Variants in CSRNP2 observed in about 807,000 individuals in gnomAD.
CSRNP2 encodes the protein cysteine and serine rich nuclear protein 2.
In CSRNP2, 11 loss-of-function variants were observed where a neutral mutation model predicts 36.6. The ratio of observed to expected loss-of-function variants is 0.30; its 90% CI spans 0.19 to 0.50. The LOEUF (loss-of-function observed/expected upper bound fraction) is 0.50. Ranked by LOEUF, CSRNP2 falls within the 20% of genes least tolerant of loss-of-function variation. The probability of loss-of-function intolerance (pLI) is 0.98; values close to 1 mark genes in which losing one functional copy is unlikely to be tolerated. For synonymous variants in CSRNP2, 248 were observed against 275.3 expected, an observed-to-expected ratio of 0.90 and a Z score of 0.98; for missense variants, 483 against 691.4, an observed-to-expected ratio of 0.70 and a Z score of 3.38.
At chr12:51,079,499 A>T (rs1033796558) in intron 1 of CSRNP2, among the ~76,000 whole-genome samples, 5 of 151,820 alleles carry the variant, frequency 3.3e-5, no homozygotes, top group African/African-American at 1.2e-4. Flanking sequence ...ACAGTGGCTC[A>T]TGTCTGTCAT....
chr12:51,079,856 C>T (rs1255095249), intron 1 of CSRNP2, among the ~76,000 whole-genome samples: 7 of 148,440 alleles, frequency 4.7e-5, no homozygotes, highest in Non-Finnish European at 7.4e-5. Context: ...GGGTGGATCA[C>T]AAGGTCAAGA....
Position 51,062,543 on chromosome 12 carries a change from T to TG in CSRNP2, c.*1202dup, listed in dbSNP as rs1937681584. 6.6e-6 allele frequency: 1 copy of TG among 152,204 alleles called. No homozygotes were observed. Among genetic ancestry groups the TG allele is most frequent in the South Asian group, 2.1e-4 (1 of 4,836 alleles). The allele number at this position is 152,204 out of a possible 1,614,324, so 9.4% of individuals were successfully genotyped here. ...CGCTTCAAAGGTTATAATTAGAACT[T>TG]GAATCCTTTGGAATCTGGGAGTTGC... On this transcript the variant is annotated 3_prime_UTR_variant, in exon 5 of 5. Coordinates refer to ENST00000228515, the MANE Select transcript of CSRNP2 (RefSeq NM_030809.3).
Position 51,063,594 on chromosome 12 carries a change from TACTC to T in CSRNP2, c.*148_*151del, listed in dbSNP as rs1006242202. ...TTGGTACTGTTTCCCTTTTAAAAAA[TACTC>T]AAACAATCCTTTCCCACCCATTCCC... On this transcript the variant is annotated 3_prime_UTR_variant, in exon 5 of 5. Transcript: ENST00000228515. 8.2e-6 allele frequency: 5 copies of T among 611,550 alleles called. No homozygotes were observed. The highest frequency in any genetic ancestry group is 3.7e-5 in the African/African-American group (2 of 54,566). 37.9% of individuals were successfully genotyped at this position (611,550 alleles called of 1,614,324 possible). A position where few individuals can be genotyped will look rare whatever the true frequency, so the allele number is the denominator to read the frequency against.
chr12:51,069,680 G>GT (rs556466810), intron 3 of CSRNP2, among the ~76,000 whole-genome samples: 1,909 of 141,696 alleles, frequency 0.013, 107 homozygotes, highest in African/African-American at 0.044. Flanking sequence ...AGAAATCTGG[G>GT]TTTTTTTTTT....
intron 3 of CSRNP2, among the ~76,000 whole-genome samples, chr12:51,068,244 G>A (rs1181803691): frequency 6.6e-6 from 1 of 152,032 alleles, no homozygotes; most frequent in Non-Finnish European, 1.5e-5. Flanking sequence ...TACAACCTCC[G>A]CCTCCCGGGT....
At chr12:51,074,506 T>C (rs1448361285) in intron 2 of CSRNP2, among the ~76,000 whole-genome samples, 2 of 152,220 alleles carry the variant, frequency 1.3e-5, no homozygotes, top group Non-Finnish European at 2.9e-5. Flanking sequence ...TCTCTAAACG[T>C]GCTCTCTATA....
chr12:51,064,054 A>C lies in CSRNP2; in HGVS notation c.1324T>G (p.Ser442Ala). The C allele has an allele frequency of 6.2e-7, 1 of 1,614,224 alleles. No individual in the cohort carries two copies. Among genetic ancestry groups the C allele is most frequent in the Non-Finnish European group, 8.5e-7 (1 of 1,180,032 alleles). The change falls in exon 5 of 5, where the codon TCT becomes GCT. Residue 442 changes from serine to alanine, a missense_variant. Ser to Ala is a moderately conservative substitution (Grantham distance 99). Coordinates refer to ENST00000228515, the MANE Select transcript of CSRNP2 (RefSeq NM_030809.3). ...TTCAGATCCTTCTCCTTTGGGAAAG[A>C]GGCTGAGCCTTCTTCCGTACCAGGC... ...GEPGTEEGSA[S>A]FPKEKDLNVF...
At chr12:51,069,356 G>A (rs539069477) in intron 3 of CSRNP2, among the ~76,000 whole-genome samples, 6 of 139,706 alleles carry the variant, frequency 4.3e-5, no homozygotes, top group East Asian at 2.1e-4. Context: ...GCATGATCTC[G>A]GCTCACTGCA....
intron 3 of CSRNP2, among the ~76,000 whole-genome samples, chr12:51,070,468 C>T (rs11831810): frequency 0.16 from 24,667 of 152,010 alleles, 2,214 homozygotes; most frequent in South Asian, 0.26. Context: ...TCCTGCTGTC[C>T]TCTCATAGGC....
Position 51,067,626 on chromosome 12 carries a change from C to A in CSRNP2, c.708+47G>T. 2 of 1,573,718 alleles carry A rather than the reference C, an allele frequency of 1.3e-6. No homozygotes were observed. Among genetic ancestry groups the A allele is most frequent in the South Asian group, 1.2e-5 (1 of 84,838 alleles). ...GTTCAGTGGCACCCACACCTCACCC[C>A]GCTGACCCTGGTGTAGATATACTAT... On this transcript the variant is annotated intron_variant, in intron 4 of 4. Coordinates refer to ENST00000228515, the MANE Select transcript of CSRNP2 (RefSeq NM_030809.3). This position sits in a 1 kb window ranked among gnomAD's most constrained non-coding sequence, Gnocchi z 4.1.
At chr12:51,070,090 A>G (rs1938973140) in intron 3 of CSRNP2, among the ~76,000 whole-genome samples, 1 of 152,096 alleles carries the variant, frequency 6.6e-6, no homozygotes, top group African/African-American at 2.4e-5. Context: ...AAGAGTTCTG[A>G]AAACTCACTA....
rs973724388 is a variant in CSRNP2, at chr12:51,062,502, T to G, written c.*1244A>C. On this transcript the variant is annotated 3_prime_UTR_variant, in exon 5 of 5. Transcript: ENST00000228515. ...GAGGTAAGAACTGAATCAAACTGAA[T>G]GAGTTCCATTCTATACGCTTCAAAG... is the stretch of plus-strand genomic sequence containing the variant. The G allele has an allele frequency of 2.0e-5, 3 of 152,238 alleles. No homozygotes were observed. Among genetic ancestry groups the G allele is most frequent in the Non-Finnish European group, 4.4e-5 (3 of 68,034 alleles). 9.4% of individuals were successfully genotyped at this position (152,238 alleles called of 1,614,324 possible).
chr12:51,076,666 G>T lies in CSRNP2; in HGVS notation c.-86-19C>A. 1 of 1,326,272 alleles carries T rather than the reference G, an allele frequency of 7.5e-7. No homozygotes were observed. The highest frequency in any genetic ancestry group is 1.1e-6 in the Non-Finnish European group (1 of 941,742). The allele number at this position is 1,326,272 out of a possible 1,614,324, so 82.2% of individuals were successfully genotyped here. ...TAGGATTCTGCCCAGGGAAAAAAAGGAATCAGCATTCCTGTCCCCAGACAG... is the reference window on the plus strand; with the variant it reads ...TAGGATTCTGCCCAGGGAAAAAAAGTAATCAGCATTCCTGTCCCCAGACAG... On this transcript the variant is annotated intron_variant, in intron 1 of 4. Coordinates refer to ENST00000228515, the MANE Select transcript of CSRNP2 (RefSeq NM_030809.3).
rs1313851647 is a variant in CSRNP2 at position 51,074,002 on chromosome 12, G to A, written c.232C>T (p.Arg78Trp). Residue 78 changes from arginine (R) to tryptophan (W), a missense_variant, in exon 3 of 5, where the codon CGG (arginine) becomes TGG (tryptophan). Physicochemically the swap from Arg to Trp is moderately radical, Grantham distance 101. Coordinates refer to ENST00000228515, the MANE Select transcript of CSRNP2 (RefSeq NM_030809.3). ...GGCACACTGGTAAAACCTTGGCGCC[G>A]GGCAAAGTAGTATACAGTCACCTGG... ...FDQVTVYYFA[R>W]RQGFTSVPSQ... The A allele has an allele frequency of 5.0e-6, 8 of 1,614,088 alleles. No homozygotes were observed. The highest frequency in any genetic ancestry group is 2.7e-5 in the African/African-American group (2 of 74,924).
At chr12:51,073,083 T>A (rs1419154756) in intron 3 of CSRNP2, among the ~76,000 whole-genome samples, 2 of 151,772 alleles carry the variant, frequency 1.3e-5, no homozygotes, top group African/African-American at 2.4e-5. Context: ...CCAGGCATGG[T>A]GGCATGAGCC....
intron 1 of CSRNP2, among the ~76,000 whole-genome samples, chr12:51,081,722 C>A (rs181227577): frequency 4.6e-5 from 7 of 152,306 alleles, no homozygotes; most frequent in Admixed American, 2.0e-4. Context: ...CAGAATACAT[C>A]AGGCTAGCAC....
rs1216036289 is a variant in CSRNP2 at position 51,080,234 on chromosome 12, A to ACTC, written c.-87+3102_-87+3104dup. Among the ~76,000 whole-genome samples, 9 of 151,626 alleles carry ACTC rather than the reference A, an allele frequency of 5.9e-5. No homozygotes were observed. The East Asian group carries it at 1.6e-3, about 26-fold the overall frequency. On this transcript the variant is annotated intron_variant, in intron 1 of 4. Coordinates refer to ENST00000228515, the MANE Select transcript of CSRNP2 (RefSeq NM_030809.3). ...GATTTATGACTGGAAGTAACTGTCC[A>ACTC]CTCCTGTTCTTTCCTCAGGTGTCCC... is the stretch of plus-strand genomic sequence containing the variant.
chr12:51,079,607 CAA>C (rs35343188), intron 1 of CSRNP2, among the ~76,000 whole-genome samples: 10,971 of 135,346 alleles, frequency 0.081, 467 homozygotes, highest in Middle Eastern at 0.12. Context: ...ACTAAAAATC[CAA>C]AAAAAAAAAA....
At chr12:51,072,236 T>C (rs1479709697) in intron 3 of CSRNP2, among the ~76,000 whole-genome samples, 1 of 152,080 alleles carries the variant, frequency 6.6e-6, no homozygotes, top group African/African-American at 2.4e-5. Context: ...GTAGCAACTA[T>C]GGCTGTGGGA....
Sources: allele counts gnomAD v4.1 joint callset (sites outside exome capture counted in the v4.1 genomes callset), GRCh38; gene constraint gnomAD v4.1.1; non-coding constraint Gnocchi (gnomAD v3.1); transcripts MANE v1.5; gene names NCBI Gene and HGNC (gene_info 2026-07-23, HGNC 2026-07-21).